The following PDLIM1 variants were observed in gnomAD, a reference collection of about 807,000 sequenced individuals.
PDLIM1 encodes PDZ and LIM domain 1.
Under a neutral mutation model 35.2 loss-of-function variants are expected in PDLIM1, and 25 were observed. The ratio of observed to expected loss-of-function variants is 0.71; its 90% CI spans 0.52 to 0.99. PDLIM1 has a LOEUF of 0.99. PDLIM1 is among the 50% of genes least tolerant of loss of function. PDLIM1 has a pLI of 0.00. For missense variants in PDLIM1, 363 were observed against 415.3 expected, an observed-to-expected ratio of 0.87 and a Z score of 1.09; for synonymous variants, 152 against 154.0, an observed-to-expected ratio of 0.99 and a Z score of 0.10.
In PDLIM1 at chr10:95,256,986, A is replaced by AAAGAAAG. The variant is rs60806315; in HGVS notation, c.533+6877_533+6878insCTTTCTT. On this transcript the variant is annotated intron_variant, in intron 4 of 6. Coordinates refer to ENST00000329399, the MANE Select transcript of PDLIM1 (RefSeq NM_020992.4). The stretch of plus-strand genomic sequence containing the variant: ...TGAGACTTCATCTTAAAAAAAAAAA[A>AAAGAAAG]AAAGAAAGAAAGAAAGAAAGAAAGA... 6.6e-3 allele frequency among the ~76,000 whole-genome samples: 409 copies of AAAGAAAG among 61,552 alleles called. 5 individuals carry two copies. Among genetic ancestry groups the AAAGAAAG allele is most frequent in the Middle Eastern group, 0.025 (3 of 122 alleles). The allele number at this position is 61,552 out of a possible 152,430, so 40.4% of individuals were successfully genotyped here.
chr10:95,276,215 T>A (rs1052338156), intron 1 of PDLIM1, among the ~76,000 whole-genome samples: 8 of 152,200 alleles, frequency 5.3e-5, no homozygotes, highest in African/African-American at 1.9e-4. Flanking sequence ...GAGCCTGAAC[T>A]TGAAAGGCTC....
intron 3 of PDLIM1, among the ~76,000 whole-genome samples, chr10:95,267,424 C>T (rs754944102): frequency 1.2e-4 from 18 of 152,132 alleles, no homozygotes; most frequent in Non-Finnish European, 2.6e-4. Context: ...CCCAAGGAAA[C>T]TGAAACTAAC....
rs372697818 is a variant in PDLIM1 at position 95,256,990 on chromosome 10, G to GA, written c.533+6873dup. Among the ~76,000 whole-genome samples the GA allele has an allele frequency of 7.8e-3, 709 of 90,598 alleles. 19 individuals carry two copies. The highest frequency in any genetic ancestry group is 0.023 in the African/African-American group (663 of 28,720). 59.4% of individuals were successfully genotyped at this position (90,598 alleles called of 152,430 possible). A position where few individuals can be genotyped will look rare whatever the true frequency, so the allele number is the denominator to read the frequency against. ...ACTTCATCTTAAAAAAAAAAAAAAAGAAAGAAAGAAAGAAAGAAAGAAAGA... is the reference window on the plus strand; with the variant it reads ...ACTTCATCTTAAAAAAAAAAAAAAAGAAAAGAAAGAAAGAAAGAAAGAAAGA... On this transcript the variant is annotated intron_variant, in intron 4 of 6. Transcript: ENST00000329399.
rs561811809 is a variant in PDLIM1, at chr10:95,255,783, AC to A, written c.533+8080del. Among the ~76,000 whole-genome samples, 79 of 152,172 alleles carry A rather than the reference AC, an allele frequency of 5.2e-4. 1 individual carries two copies. The East Asian group carries it at 0.013, about 26-fold the overall frequency. On this transcript the variant is annotated intron_variant, in intron 4 of 6. Transcript: ENST00000329399. ...ATAGCATTGGAGGTCCTAATCAGAG[AC>A]CTTAGGCAAGTCAAAGAAATAAAAG...
At chr10:95,238,873 G>A in intron 5 of PDLIM1, 188 bp from the exon 6 acceptor site, 2 of 512,248 alleles carry the variant, frequency 3.9e-6, no homozygotes. Context: ...TAAAATAGGA[G>A]ATTAACACCT....
chr10:95,288,283 G>T, intron 1 of PDLIM1, among the ~76,000 whole-genome samples: 1 of 152,184 alleles, frequency 6.6e-6, no homozygotes. Context: ...AATAATTCAT[G>T]CAAGAGAAAG....
At chr10:95,257,113 G>T (rs553265135) in intron 4 of PDLIM1, among the ~76,000 whole-genome samples, 1 of 151,676 alleles carries the variant, frequency 6.6e-6, no homozygotes, top group African/African-American at 2.4e-5. Context: ...AACATAGGGG[G>T]TCAGGTGCTG....
intron 5 of PDLIM1, among the ~76,000 whole-genome samples, chr10:95,242,998 C>A (rs985275328): frequency 1.4e-4 from 21 of 152,292 alleles, no homozygotes; most frequent in African/African-American, 4.3e-4. Context: ...ACCTGGAATC[C>A]ACTCAATCCA....
At chr10:95,250,900 C>A (rs1254955261) in intron 4 of PDLIM1, among the ~76,000 whole-genome samples, 1 of 152,150 alleles carries the variant, frequency 6.6e-6, no homozygotes, top group Non-Finnish European at 1.5e-5. Context: ...GACCTGAGGG[C>A]CCCAGGGTTA....
intron 3 of PDLIM1, among the ~76,000 whole-genome samples, chr10:95,265,760 T>C (rs2035410586): frequency 6.7e-6 from 1 of 149,410 alleles, no homozygotes; most frequent in African/African-American, 2.5e-5. Context: ...AAAAAAAAGT[T>C]AGACAGTCAA....
At chr10:95,259,876 C>T (rs2035346403) in intron 4 of PDLIM1, among the ~76,000 whole-genome samples, 1 of 152,290 alleles carries the variant, frequency 6.6e-6, no homozygotes, top group Middle Eastern at 3.4e-3. Context: ...GTTACAGGAG[C>T]TCTCCAATCA....
At chr10:95,248,682 G>A (rs2035243162) in intron 4 of PDLIM1, among the ~76,000 whole-genome samples, 1 of 152,198 alleles carries the variant, frequency 6.6e-6, no homozygotes, top group African/African-American at 2.4e-5. Context: ...TGGAGTAAAT[G>A]TTATCACAGA....
intron 4 of PDLIM1, among the ~76,000 whole-genome samples, chr10:95,248,681 T>C (rs1389314290): frequency 6.6e-6 from 1 of 152,250 alleles, no homozygotes; most frequent in African/African-American, 2.4e-5. Flanking sequence ...TTGGAGTAAA[T>C]GTTATCACAG....
At chr10:95,250,228 T>A (rs2035256129) in intron 4 of PDLIM1, among the ~76,000 whole-genome samples, 1 of 152,172 alleles carries the variant, frequency 6.6e-6, no homozygotes, top group South Asian at 2.1e-4. Flanking sequence ...AGATTTTTCT[T>A]CTTCTTTGGT....
intron 1 of PDLIM1, among the ~76,000 whole-genome samples, chr10:95,276,896 T>TAAA (rs61442624): frequency 0.069 from 4,786 of 68,866 alleles, 439 homozygotes; most frequent in Middle Eastern, 0.16. Context: ...TTCAGTTTCC[T>TAAA]AAAAAAAAAA....
intron 1 of PDLIM1, among the ~76,000 whole-genome samples, chr10:95,284,605 T>C (rs912003238): frequency 6.6e-6 from 1 of 152,322 alleles, no homozygotes; most frequent in Non-Finnish European, 1.5e-5. Context: ...TCACCCACCT[T>C]GGCCTCCCAA....
At chr10:95,273,892 C>A (rs1033868235) in intron 1 of PDLIM1, among the ~76,000 whole-genome samples, 2 of 152,180 alleles carry the variant, frequency 1.3e-5, no homozygotes, top group Non-Finnish European at 2.9e-5. Context: ...TACTAAAGGA[C>A]AACGCAGGCT....
At chr10:95,252,872 A>G (rs1375340636) in intron 4 of PDLIM1, among the ~76,000 whole-genome samples, 1 of 152,148 alleles carries the variant, frequency 6.6e-6, no homozygotes, top group African/African-American at 2.4e-5. Context: ...AAAAAAAGAA[A>G]TGAAGAGCCT....
At chr10:95,261,798 C>G (rs985273298) in intron 4 of PDLIM1, among the ~76,000 whole-genome samples, 1 of 152,070 alleles carries the variant, frequency 6.6e-6, no homozygotes, top group Non-Finnish European at 1.5e-5. Flanking sequence ...CACCTGAGGT[C>G]GGGAGTTTGA....
Sources: gnomAD v4.1 joint callset for allele counts (sites outside exome capture counted in the v4.1 genomes callset) on GRCh38, gnomAD v4.1.1 for gene constraint, MANE v1.5 for transcripts, NCBI Gene and HGNC (gene_info 2026-07-23, HGNC 2026-07-21) for gene names.